Variants in LPIN2 observed in about 807,000 individuals in gnomAD.
The protein encoded by LPIN2 is phosphatidate phosphatase LPIN2.
In LPIN2, 55 loss-of-function variants were observed where a neutral mutation model predicts 111.4. That is an observed-to-expected ratio of 0.49 (90% CI 0.40 to 0.62). The LOEUF (loss-of-function observed/expected upper bound fraction) is 0.62. LPIN2 is among the 20% of genes least tolerant of loss of function. The pLI, the probability that LPIN2 is intolerant of heterozygous loss-of-function variation, is 0.00. For missense variants in LPIN2, 992 were observed against 1,112.1 expected, an observed-to-expected ratio of 0.89 and a Z score of 1.54; for synonymous variants, 425 against 414.0, an observed-to-expected ratio of 1.03 and a Z score of -0.32.
chr18:2,987,273 A>G (rs1308998376), intron 1 of LPIN2, among the ~76,000 whole-genome samples: 2 of 152,212 alleles, frequency 1.3e-5, no homozygotes, highest in African/African-American at 4.8e-5. Flanking sequence ...GGCTCAGTGC[A>G]TCACAACACT....
Position 2,929,129 on chromosome 18 carries a change from G to C in LPIN2, c.1486C>G (p.His496Asp). ...EKFMEHIITY[H>D]EFAENPGLID... ...AGTCCAGGGTTTTCTGCAAATTCGTGATAAGTAATGATATGCTCCATGAAT... is the reference window on the plus strand; with the variant it reads ...AGTCCAGGGTTTTCTGCAAATTCGTCATAAGTAATGATATGCTCCATGAAT... The change falls in exon 10 of 20, where the codon CAC (histidine) becomes GAC (aspartate). Residue 496 changes from histidine (H) to aspartate (D), a missense_variant. Around this residue, in one of 4 missense-constraint regions of LPIN2, gnomAD observed 709 missense variants for 753.2 expected, o/e 0.94. Transcript: ENST00000677752. 1.2e-6 allele frequency: 2 copies of C among 1,606,192 alleles called. No individual in the cohort carries two copies. The highest frequency in any genetic ancestry group is 1.7e-6 in the Non-Finnish European group (2 of 1,173,130).
At chr18:2,951,525 C>T (rs1250394493) in intron 3 of LPIN2, among the ~76,000 whole-genome samples, 169 bp from the exon 4 acceptor site, 3 of 152,042 alleles carry the variant, frequency 2.0e-5, no homozygotes, top group Admixed American at 6.6e-5. Flanking sequence ...TATACTCTGA[C>T]GAGGTCTTTC....
chr18:2,968,875 G>A (rs904610232), intron 1 of LPIN2, among the ~76,000 whole-genome samples: 4 of 152,152 alleles, frequency 2.6e-5, no homozygotes, highest in African/African-American at 9.7e-5. Flanking sequence ...AGAAGAGGTA[G>A]CTAAAGGCAG....
At chr18:2,961,421 C>T (rs565743682) in intron 1 of LPIN2, among the ~76,000 whole-genome samples, 2 of 152,256 alleles carry the variant, frequency 1.3e-5, no homozygotes, top group South Asian at 4.1e-4. Flanking sequence ...CTGAGCCTAG[C>T]CCATTTATAA....
At chr18:2,952,644 G>T (rs8089644) in intron 3 of LPIN2, among the ~76,000 whole-genome samples, 1 of 151,892 alleles carries the variant, frequency 6.6e-6, no homozygotes, top group African/African-American at 2.4e-5. Flanking sequence ...AAGATATTCT[G>T]AATGTCCAAA....
At chr18:2,990,534 T>C (rs545788902) in intron 1 of LPIN2, 1 of 154,148 alleles carries the variant, frequency 6.5e-6, no homozygotes, top group African/African-American at 2.4e-5. Flanking sequence ...CTTGAAAAGA[T>C]GCTCAACATC....
At chr18:2,985,516 TCTAA>T (rs946731755) in intron 1 of LPIN2, 2 of 151,808 alleles carry the variant, frequency 1.3e-5, no homozygotes, top group African/African-American at 4.8e-5. Context: ...AAAAAAATAG[TCTAA>T]CTTAGGGAAA....
intron 1 of LPIN2, among the ~76,000 whole-genome samples, chr18:2,989,131 A>G (rs900195021): frequency 2.0e-5 from 3 of 152,198 alleles, no homozygotes; most frequent in Admixed American, 6.5e-5. Context: ...CTTTATCCCT[A>G]TATTTTACAG....
chr18:2,927,369 A>G (rs2077149188), intron 12 of LPIN2, among the ~76,000 whole-genome samples: 1 of 152,240 alleles, frequency 6.6e-6, no homozygotes, highest in Non-Finnish European at 1.5e-5. Context: ...CAGGCAGACG[A>G]TAACCTTCTG....
chr18:2,946,608 T>G (rs1330450638), intron 4 of LPIN2: 1 of 819,194 alleles, frequency 1.2e-6, no homozygotes, highest in African/African-American at 1.7e-5. Context: ...CAATCCCGTG[T>G]TGCTAGCACC....
Position 2,971,587 on chromosome 18 carries a change from G to A in LPIN2, c.-9-10738C>T, listed in dbSNP as rs190160739. ...TAGTAGGTTCTTAATAAGTGGTTTTGGATCAATGAATGGACCAATGAATAA... is the reference window on the plus strand; with the variant it reads ...TAGTAGGTTCTTAATAAGTGGTTTTAGATCAATGAATGGACCAATGAATAA... On this transcript the variant is annotated intron_variant, in intron 1 of 19. Transcript: ENST00000677752. Among the ~76,000 whole-genome samples the A allele has an allele frequency of 2.3e-3, 350 of 152,200 alleles. 3 individuals are homozygous for A. The highest frequency in any genetic ancestry group is 7.4e-3 in the African/African-American group (308 of 41,520).
At position 2,931,434 on chromosome 18, in the gene LPIN2, C is replaced by T. The variant is rs771520441; in HGVS notation, c.1278G>A (p.Glu426=). The T allele has an allele frequency of 2.5e-6, 4 of 1,586,916 alleles. No homozygotes were observed. In the South Asian group the frequency reaches 4.5e-5, roughly 18 times the overall value. Residue 426 remains glutamate, a synonymous_variant, in exon 9 of 20, where the codon GAG becomes GAA. Coordinates refer to ENST00000677752, the MANE Select transcript of LPIN2 (RefSeq NM_001375808.2). Reference sequence around the variant, plus strand: ...ACTCGGGCCACTGCCTGGAACCGGGCTCCGATTCACTGTGGACAGGGGATG... The same window carrying T: ...ACTCGGGCCACTGCCTGGAACCGGGTTCCGATTCACTGTGGACAGGGGATG... The part of the protein sequence containing the change: ...AALYFPKSES[E]PGSRQWPESD...
At chr18:2,962,790 G>A (rs986009984) in intron 1 of LPIN2, among the ~76,000 whole-genome samples, 22 of 151,932 alleles carry the variant, frequency 1.4e-4, no homozygotes, top group African/African-American at 5.3e-4. Context: ...TTGAATGGTG[G>A]TGGCAATGTT....
At position 2,924,453 on chromosome 18, in the gene LPIN2, G is replaced by A. The variant is rs776867539; in HGVS notation, c.2032C>T (p.Leu678=). The A allele has an allele frequency of 6.2e-7, 1 of 1,614,152 alleles. No homozygotes were observed. Among genetic ancestry groups the A allele is most frequent in the Non-Finnish European group, 8.5e-7 (1 of 1,180,006 alleles). ...ATGATCTTGTCATTCCAGTTCCACA[G>A]GTAAATGGTCCCTGCACAGCGACAG... The part of the protein sequence containing the change: ...GTCRCAGTIY[L]WNWNDKIIIS... Residue 678 remains leucine (L), a synonymous_variant, in exon 15 of 20, where the codon CTG becomes TTG. Transcript: ENST00000677752.
chr18:2,994,492 T>A (rs954293142), intron 1 of LPIN2, among the ~76,000 whole-genome samples: 15 of 152,224 alleles, frequency 9.9e-5, no homozygotes, highest in Non-Finnish European at 1.2e-4. Flanking sequence ...AAAAATTTTT[T>A]AATGATATAT....
intron 16 of LPIN2, among the ~76,000 whole-genome samples, chr18:2,923,455 AATACCCAG>A (rs2077085881): frequency 6.6e-6 from 1 of 151,762 alleles, no homozygotes; most frequent in African/African-American, 2.4e-5. Flanking sequence ...AAAAATTTAA[AATACCCAG>A]AAAATAAACC....
At chr18:3,006,075 G>C (rs996531656) in intron 1 of LPIN2, among the ~76,000 whole-genome samples, 4 of 152,134 alleles carry the variant, frequency 2.6e-5, no homozygotes, top group Non-Finnish European at 4.4e-5. Context: ...CTAGAAAACA[G>C]CATTATTATC....
In LPIN2 at chr18:2,941,727, C is replaced by T. The variant is rs112852887; in HGVS notation, c.591-1015G>A. 1.5e-3 allele frequency among the ~76,000 whole-genome samples: 236 copies of T among 152,304 alleles called. 1 individual carries two copies. The highest frequency in any genetic ancestry group is 1.5e-3 in the Non-Finnish European group (103 of 68,014). ...GGATCACGAGGTCAGGGGTTCAAGA[C>T]CAGCCTGGCCAAGATGGTGAAACCC... is the stretch of plus-strand genomic sequence containing the variant. On this transcript the variant is annotated intron_variant, in intron 4 of 19. Coordinates refer to ENST00000677752, the MANE Select transcript of LPIN2 (RefSeq NM_001375808.2).
At chr18:2,938,567 T>G (rs1402572768) in intron 6 of LPIN2, among the ~76,000 whole-genome samples, 1 of 152,140 alleles carries the variant, frequency 6.6e-6, no homozygotes. Context: ...GAAGTTATAC[T>G]GGAGAAGACT....
Sources: allele counts gnomAD v4.1 joint callset (sites outside exome capture counted in the v4.1 genomes callset), GRCh38; gene constraint gnomAD v4.1.1; regional missense constraint gnomAD v4.1.1; transcripts MANE v1.5; gene names NCBI Gene and HGNC (gene_info 2026-07-23, HGNC 2026-07-21).